Variants in LRRC7 observed in about 807,000 individuals in gnomAD.
The protein encoded by LRRC7 is leucine-rich repeat-containing protein 7.
A neutral mutation model predicts 175.7 loss-of-function variants in LRRC7; 23 were observed. That is an observed-to-expected ratio of 0.13 (90% CI 0.09 to 0.19). LRRC7 has a LOEUF of 0.19. LRRC7 is among the 10% of genes least tolerant of loss of function. The pLI is 1.00. For synonymous variants in LRRC7, 685 were observed against 680.9 expected (o/e 1.01, Z -0.09); for missense variants, 1,354 against 1,904.7 (o/e 0.71, Z 5.38).
intron 1 of LRRC7, among the ~76,000 whole-genome samples, chr1:69,598,167 G>A (rs1646915611): frequency 6.6e-6 from 1 of 152,132 alleles, no homozygotes; most frequent in African/African-American, 2.4e-5. Flanking sequence ...CTAATGAGGT[G>A]TGGGCTTTTC....
chr1:70,103,877 A>C (rs1342403621), intron 25 of LRRC7, among the ~76,000 whole-genome samples: 1 of 152,164 alleles, frequency 6.6e-6, no homozygotes, highest in Non-Finnish European at 1.5e-5. Flanking sequence ...TTTTATGATA[A>C]AGTTTTATGA....
At chr1:69,802,131 C>T (rs1488354206) in intron 4 of LRRC7, among the ~76,000 whole-genome samples, 1 of 151,098 alleles carries the variant, frequency 6.6e-6, no homozygotes, top group Non-Finnish European at 1.5e-5. Context: ...TGTTTTATGG[C>T]CTGTCATATG....
At chr1:70,101,050 A>G (rs1664767965) in intron 25 of LRRC7, among the ~76,000 whole-genome samples, 1 of 152,154 alleles carries the variant, frequency 6.6e-6, no homozygotes. Flanking sequence ...GCTTTTATGT[A>G]TATCTAATGT....
At chr1:69,888,139 G>A (rs1279573073) in intron 7 of LRRC7, among the ~76,000 whole-genome samples, 1 of 143,240 alleles carries the variant, frequency 7.0e-6, no homozygotes, top group African/African-American at 2.6e-5. Flanking sequence ...GCTGTGGTGG[G>A]CTCCACCCAG....
Position 70,128,658 on chromosome 1 carries a change from T to C in LRRC7, c.*6771T>C, listed in dbSNP as rs1250972982. On this transcript the variant is annotated 3_prime_UTR_variant, in exon 27 of 27. Coordinates refer to ENST00000651989, the MANE Select transcript of LRRC7 (RefSeq NM_001370785.2). ...ACATTAAATATTATGATTATAAATA[T>C]TAAAATAAATATTTGTTGGGCATCA... 2 of 152,170 alleles carry C rather than the reference T, an allele frequency of 1.3e-5. No homozygotes were observed. Among genetic ancestry groups the C allele is most frequent in the East Asian group, 3.8e-4 (2 of 5,198 alleles). 9.4% of individuals were successfully genotyped at this position (152,170 alleles called of 1,614,324 possible). A position where few individuals can be genotyped will look rare whatever the true frequency, so the allele number is the denominator to read the frequency against.
At chr1:69,719,392 A>G (rs1666109343) in intron 2 of LRRC7, among the ~76,000 whole-genome samples, 1 of 151,468 alleles carries the variant, frequency 6.6e-6, no homozygotes, top group South Asian at 2.1e-4. Context: ...GTTTTTAAGT[A>G]CTCCTATATC....
Position 69,678,332 on chromosome 1 carries a change from T to C in LRRC7, c.3-49T>C, listed in dbSNP as rs531930026. 3.1e-6 allele frequency: 4 copies of C among 1,305,872 alleles called. No homozygotes were observed. The African/African-American group carries it at 5.9e-5, about 19-fold the overall frequency. 80.9% of individuals were successfully genotyped at this position (1,305,872 alleles called of 1,614,324 possible). On this transcript the variant is annotated intron_variant, in intron 1 of 26. Coordinates refer to ENST00000651989, the MANE Select transcript of LRRC7 (RefSeq NM_001370785.2). ...TTTAGACCATTTAACTTGTAAACATTTATCCAAAAAAAAGAGTATGAAAAT... is the reference window on the plus strand; with the variant it reads ...TTTAGACCATTTAACTTGTAAACATCTATCCAAAAAAAAGAGTATGAAAAT...
chr1:69,722,823 ACTC>A (rs1666507633), intron 2 of LRRC7, among the ~76,000 whole-genome samples: 1 of 151,276 alleles, frequency 6.6e-6, no homozygotes, highest in African/African-American at 2.4e-5. Flanking sequence ...CTTTGTAACT[ACTC>A]TTTGTATGCA....
chr1:69,960,105 C>G lies in LRRC7; in HGVS notation c.712-20274C>G, dbSNP rs147775999. Among the ~76,000 whole-genome samples the G allele has an allele frequency of 5.2e-3, 797 of 151,992 alleles. 7 individuals are homozygous for G. The highest frequency in any genetic ancestry group is 0.018 in the African/African-American group (728 of 41,462). ...ATGTGGTAGAATTCAGCTGTGAATC[C>G]GTCTGGTCCTGGGTTTTGGGGGTTG... On this transcript the variant is annotated intron_variant, in intron 8 of 26. Transcript: ENST00000651989.
intron 2 of LRRC7, among the ~76,000 whole-genome samples, chr1:69,718,110 AAAG>A (rs1284076576): frequency 1.6e-5 from 1 of 61,792 alleles, no homozygotes; most frequent in African/African-American, 8.0e-5. Flanking sequence ...AAAGAGAGAA[AAAG>A]AAAGAAAGAA....
intron 7 of LRRC7, among the ~76,000 whole-genome samples, chr1:69,909,047 T>C (rs1465593564): frequency 6.6e-6 from 1 of 151,738 alleles, no homozygotes; most frequent in East Asian, 1.9e-4. Context: ...TCTCTTTTGA[T>C]CTTTGTTGGT....
At chr1:69,861,790 T>C (rs934650998) in intron 7 of LRRC7, among the ~76,000 whole-genome samples, 1 of 152,224 alleles carries the variant, frequency 6.6e-6, no homozygotes, top group Admixed American at 6.5e-5. Flanking sequence ...CTTTGCTTTA[T>C]GCCTTATACC....
intron 5 of LRRC7, among the ~76,000 whole-genome samples, chr1:69,827,830 C>T (rs940885276): frequency 6.6e-6 from 1 of 151,922 alleles, no homozygotes; most frequent in African/African-American, 2.4e-5. Flanking sequence ...CAGAGTGAGA[C>T]CCTGTCTCAA....
intron 23 of LRRC7, among the ~76,000 whole-genome samples, chr1:70,073,748 A>G (rs1302535400): frequency 6.6e-6 from 1 of 152,240 alleles, no homozygotes. Flanking sequence ...ACCCATGAAT[A>G]TTCTGCCAGT....
In LRRC7 at chr1:69,691,093, T is replaced by A. The variant is rs187953690; in HGVS notation, c.100+12615T>A. On this transcript the variant is annotated intron_variant, in intron 2 of 26. Transcript: ENST00000651989. ...AAGGGGAAATAATCTTGTAACAGGG[T>A]CTGGGTGATTCTGAGGTAATAGGCC... Among the ~76,000 whole-genome samples, 6 of 152,246 alleles carry A rather than the reference T, an allele frequency of 3.9e-5. No homozygotes were observed. In the East Asian group the frequency reaches 1.2e-3, roughly 29 times the overall value.
intron 7 of LRRC7, among the ~76,000 whole-genome samples, chr1:69,904,025 C>CA (rs570314893): frequency 6.8e-4 from 103 of 152,084 alleles, no homozygotes; most frequent in Middle Eastern, 3.4e-3. Flanking sequence ...GCCTACCAAC[C>CA]AAAAAAAGTC....
intron 1 of LRRC7, among the ~76,000 whole-genome samples, chr1:69,578,028 T>C (rs1403373910): frequency 6.6e-6 from 1 of 152,118 alleles, no homozygotes; most frequent in Non-Finnish European, 1.5e-5. Flanking sequence ...GAGAAAATTT[T>C]CACAACCTAC....
In LRRC7 at chr1:69,852,365, A is replaced by C. The variant is rs2101468614; in HGVS notation, c.647+14082A>C. ...TTTAGTGCCTAGACTCATGCCAAGC[A>C]CTTGATGGAATCCTGTGAGTACTTG... On this transcript the variant is annotated intron_variant, in intron 7 of 26. Transcript: ENST00000651989. Among the ~76,000 whole-genome samples, 5 of 152,266 alleles carry C rather than the reference A, an allele frequency of 3.3e-5. No homozygotes were observed. The Middle Eastern group carries it at 0.014, about 414-fold the overall frequency.
intron 2 of LRRC7, among the ~76,000 whole-genome samples, chr1:69,717,309 CA>C (rs1018917569): frequency 6.6e-6 from 1 of 150,950 alleles, no homozygotes; most frequent in African/African-American, 2.4e-5. Context: ...AGTACAGATT[CA>C]AAAAAAATTA....
Sources: allele counts gnomAD v4.1 joint callset (sites outside exome capture counted in the v4.1 genomes callset), GRCh38; gene constraint gnomAD v4.1.1; transcripts MANE v1.5; gene names NCBI Gene and HGNC (gene_info 2026-07-23, HGNC 2026-07-21).